The following WDFY4 variants were observed in gnomAD, a reference collection of about 807,000 sequenced individuals.
WDFY4 encodes WDFY family member 4.
In WDFY4, 169 loss-of-function variants were observed where a neutral mutation model predicts 351.9. The ratio of observed to expected loss-of-function variants is 0.48; its 90% confidence interval spans 0.42 to 0.55. The LOEUF is 0.55. Ranked by LOEUF, WDFY4 falls within the 20% of genes least tolerant of loss-of-function variation. The pLI is 0.00. For synonymous variants in WDFY4, 1,622 were observed against 1,574.6 expected (o/e 1.03, Z -0.71); for missense variants, 3,803 against 3,935.6 (o/e 0.97, Z 0.90).
chr10:48,789,829 C>G, intron 21 of WDFY4, 45 bp from the exon 22 acceptor site: 1 of 1,542,830 alleles, frequency 6.5e-7, no homozygotes, highest in Non-Finnish European at 8.8e-7. Context: ...AATGCTTCTT[C>G]TTTTGCAGGA....
At chr10:48,982,336 G>T (rs1842844996) in intron 61 of WDFY4, among the ~76,000 whole-genome samples, 173 bp from the exon 62 acceptor site, 1 of 151,988 alleles carries the variant, frequency 6.6e-6, no homozygotes, top group Admixed American at 6.6e-5. Flanking sequence ...CCCTCCCCCA[G>T]GTGGAAACCT....
chr10:48,827,334 A>T (rs999838526), intron 36 of WDFY4, among the ~76,000 whole-genome samples: 3 of 152,070 alleles, frequency 2.0e-5, no homozygotes, highest in African/African-American at 7.2e-5. Flanking sequence ...GAAAAAAATT[A>T]CATATGCATA....
At chr10:48,866,049 TTTTA>T (rs1402132483) in intron 39 of WDFY4, among the ~76,000 whole-genome samples, 1 of 152,114 alleles carries the variant, frequency 6.6e-6, no homozygotes, top group Non-Finnish European at 1.5e-5. Context: ...GTTTCATTAA[TTTTA>T]TTTATTGTTT....
At chr10:48,822,654 T>C (rs1304235294) in intron 35 of WDFY4, 117 bp downstream of exon 35, 3 of 1,286,286 alleles carry the variant, frequency 2.3e-6, no homozygotes, top group Non-Finnish European at 3.0e-6. Flanking sequence ...CTGAGCCAGG[T>C]GGGAGGAAGC....
Position 48,847,229 on chromosome 10 carries a change from G to A in WDFY4, c.6663+14520G>A, listed in dbSNP as rs748864670. Among the ~76,000 whole-genome samples the A allele has an allele frequency of 7.9e-5, 12 of 152,082 alleles. 1 individual carries two copies. Among genetic ancestry groups the A allele is most frequent in the Non-Finnish European group, 1.3e-4 (9 of 68,026 alleles). On this transcript the variant is annotated intron_variant, in intron 39 of 61. Transcript: ENST00000325239. ...CGTGGTCTGTCCTCTGTACATGACC[G>A]TGTCCTCATCTCCTGTTATAAGCAC...
chr10:48,925,490 T>C (rs899274981), intron 47 of WDFY4, among the ~76,000 whole-genome samples: 3 of 152,198 alleles, frequency 2.0e-5, no homozygotes, highest in Non-Finnish European at 4.4e-5. Context: ...TTGTGTGCTG[T>C]GCTACTTGCT....
chr10:48,820,507 G>A lies in WDFY4; in HGVS notation c.5709+70G>A. ...CCGGCATACCGGCACTGCAAGGGCA[G>A]GATGCACCCAGGGAGACAGAGGGCC... is the stretch of plus-strand genomic sequence containing the variant. On this transcript the variant is annotated intron_variant, in intron 33 of 61. Coordinates refer to ENST00000325239, the MANE Select transcript of WDFY4 (RefSeq NM_001394531.1). 7.4e-6 allele frequency: 11 copies of A among 1,495,426 alleles called. No individual in the cohort carries two copies. In the South Asian group the frequency reaches 1.4e-4, roughly 19 times the overall value. The allele number at this position is 1,495,426 out of a possible 1,614,324, so 92.6% of individuals were successfully genotyped here.
intron 24 of WDFY4, chr10:48,802,811 C>T (rs746179247): frequency 4.2e-6 from 2 of 473,334 alleles, no homozygotes. Flanking sequence ...CAGTGTAAAA[C>T]CTGAAAATCT....
At chr10:48,871,800 G>A (rs1022572429) in intron 40 of WDFY4, among the ~76,000 whole-genome samples, 4 of 152,100 alleles carry the variant, frequency 2.6e-5, no homozygotes, top group African/African-American at 9.7e-5. Context: ...TAACCAATTG[G>A]AGTACTACAT....
rs180975972 is a variant in WDFY4, at chr10:48,815,287, A to G, written c.5340+1205A>G. On this transcript the variant is annotated intron_variant, in intron 31 of 61. Transcript: ENST00000325239. ...TTCATAGTTGAGTTCTTTTGCATTTATTATTTCTGAGGTTGAAATCATTTT... is the reference window on the plus strand; with the variant it reads ...TTCATAGTTGAGTTCTTTTGCATTTGTTATTTCTGAGGTTGAAATCATTTT... 1.3e-3 allele frequency among the ~76,000 whole-genome samples: 199 copies of G among 152,168 alleles called. 1 individual carries two copies. Among genetic ancestry groups the G allele is most frequent in the African/African-American group, 4.6e-3 (192 of 41,500 alleles).
intron 40 of WDFY4, among the ~76,000 whole-genome samples, chr10:48,868,054 G>A (rs940764201): frequency 1.3e-5 from 2 of 152,178 alleles, no homozygotes; most frequent in Non-Finnish European, 2.9e-5. Context: ...GAGCGATGGG[G>A]TATAAGGAGC....
chr10:48,926,790 G>C (rs1026103129), intron 47 of WDFY4, among the ~76,000 whole-genome samples: 78 of 152,200 alleles, frequency 5.1e-4, no homozygotes, highest in Non-Finnish European at 1.9e-4. Flanking sequence ...GAGAGAAAGA[G>C]AAACAGTTTA....
At chr10:48,841,162 A>G (rs973805814) in intron 39 of WDFY4, among the ~76,000 whole-genome samples, 1 of 152,240 alleles carries the variant, frequency 6.6e-6, no homozygotes, top group African/African-American at 2.4e-5. Flanking sequence ...CTTCTTCAAT[A>G]AAAGCAGTTA....
rs1249066298 is a variant in WDFY4 at position 48,832,583 on chromosome 10, G to T, written c.6537G>T (p.Lys2179Asn). ...KAWQHYLASEKKSLASRSNVA... is the reference protein window; with the variant it reads ...KAWQHYLASENKSLASRSNVA... The stretch of plus-strand genomic sequence containing the variant: ...CTTCCCTTCCCTCAGCATCTGAGAA[G>T]AAGTCACTGGCAAGTCGTTCAAATG... Residue 2179 changes from lysine to asparagine, a missense_variant, in exon 39 of 62, where the codon AAG becomes AAT. Physicochemically the swap from Lys to Asn is moderately conservative, Grantham distance 94. Transcript: ENST00000325239. The T allele has an allele frequency of 6.5e-7, 1 of 1,546,374 alleles. No homozygotes were observed. The highest frequency in any genetic ancestry group is 8.7e-7 in the Non-Finnish European group (1 of 1,143,400).
chr10:48,713,756 C>T (rs1257608739), intron 2 of WDFY4, among the ~76,000 whole-genome samples: 1 of 152,232 alleles, frequency 6.6e-6, no homozygotes, highest in Non-Finnish European at 1.5e-5. Flanking sequence ...AAGGATGTTT[C>T]AGTCCTGATC....
chr10:48,877,007 C>T (rs1309996517), intron 42 of WDFY4, 26 bp from the exon 43 acceptor site: 1 of 1,450,982 alleles, frequency 6.9e-7, no homozygotes, highest in African/African-American at 1.4e-5. Context: ...CCTGTCAACA[C>T]CACGTGTCCC....
chr10:48,927,293 A>T (rs1839653114), intron 47 of WDFY4, among the ~76,000 whole-genome samples: 1 of 152,096 alleles, frequency 6.6e-6, no homozygotes, highest in Admixed American at 6.5e-5. Context: ...CCGTGTCTTC[A>T]TAAAGTGACC....
At chr10:48,752,390 T>A (rs2065211111) in intron 12 of WDFY4, among the ~76,000 whole-genome samples, 1 of 152,252 alleles carries the variant, frequency 6.6e-6, no homozygotes, top group Non-Finnish European at 1.5e-5. Context: ...TTAGCTTTTT[T>A]CACTGAGGTG....
Position 48,725,925 on chromosome 10 carries a change from C to T in WDFY4, c.636C>T (p.Leu212=), listed in dbSNP as rs1361191437. ...GTGACTCTCAGGGCCTGGAGGGACT[C>T]CTCTCAGGAAGTGAGCTGCAGTCTC... The part of the protein sequence containing the change: ...ICSDSQGLEG[L]LSGSELQSLL... Residue 212 remains leucine, a synonymous_variant, in exon 6 of 62, where the codon CTC becomes CTT. Transcript: ENST00000325239. 5 of 1,551,236 alleles carry T rather than the reference C, an allele frequency of 3.2e-6. No homozygotes were observed. The South Asian group carries it at 4.8e-5, about 15-fold the overall frequency.
Sources: gnomAD v4.1 joint callset for allele counts (sites outside exome capture counted in the v4.1 genomes callset) on GRCh38, gnomAD v4.1.1 for gene constraint, MANE v1.5 for transcripts, NCBI Gene and HGNC (gene_info 2026-07-23, HGNC 2026-07-21) for gene names.